The following UBR4 variants were observed in gnomAD, a reference collection of about 807,000 sequenced individuals.
UBR4 encodes ubiquitin protein ligase E3 component n-recognin 4.
Under a neutral mutation model 575.6 loss-of-function variants are expected in UBR4, and 124 were observed. That is an observed-to-expected ratio of 0.22 (90% CI 0.19 to 0.25). The LOEUF (loss-of-function observed/expected upper bound fraction) is 0.25. UBR4 is among the 10% of genes least tolerant of loss of function. The pLI is 1.00. For missense variants in UBR4, 4,818 were observed against 6,478.8 expected, an observed-to-expected ratio of 0.74 and a Z score of 8.80; for synonymous variants, 2,455 against 2,473.7, an observed-to-expected ratio of 0.99 and a Z score of 0.22.
At position 19,157,241 on chromosome 1, in the gene UBR4, A is replaced by G. The variant is rs1056701985; in HGVS notation, c.5761-316T>C. On this transcript the variant is annotated intron_variant, in intron 40 of 105. Coordinates refer to ENST00000375254, the MANE Select transcript of UBR4 (RefSeq NM_020765.3). The surrounding 1 kb of genome is among the most constrained non-coding windows in gnomAD (Gnocchi z 4.4). The stretch of plus-strand genomic sequence containing the variant: ...AGGAAACTGTTTTTAAAATGATTTT[A>G]GAGTTGTTTGAAGGACTATCCATAT... Among the ~76,000 whole-genome samples the G allele has an allele frequency of 1.3e-5, 2 of 152,274 alleles. No individual in the cohort carries two copies. Among genetic ancestry groups the G allele is most frequent in the African/African-American group, 4.8e-5 (2 of 41,472 alleles).
intron 17 of UBR4, among the ~76,000 whole-genome samples, chr1:19,179,660 C>T (rs1177442921): frequency 6.6e-6 from 1 of 152,134 alleles, no homozygotes; most frequent in East Asian, 1.9e-4. Context: ...TTTAGAGATC[C>T]GCAGTATTCG....
chr1:19,204,535 A>ATATATAT (rs1553240283), intron 1 of UBR4, among the ~76,000 whole-genome samples: 1 of 150,096 alleles, frequency 6.7e-6, no homozygotes, highest in Non-Finnish European at 1.5e-5. Flanking sequence ...TATAAAAAAA[A>ATATATAT]ATATATATAT....
Position 19,096,578 on chromosome 1 carries a change from A to G in UBR4, c.13463T>C (p.Met4488Thr), listed in dbSNP as rs745899696. ...VMAQCGGLEC[M>T]LNRLAGIRDF... ...TCTGATCCCTGCGAGTCTGTTAAGC[A>G]TGCATTCCAGGCCCCCACACTGGGC... is the stretch of plus-strand genomic sequence containing the variant. The change falls in exon 92 of 106, where the codon ATG (methionine) becomes ACG (threonine). Residue 4488 changes from methionine to threonine, a missense_variant. By Grantham distance (81) the Met-to-Thr change is moderately conservative. Transcript: ENST00000375254. The G allele has an allele frequency of 1.2e-6, 2 of 1,613,770 alleles. No homozygotes were observed. Among genetic ancestry groups the G allele is most frequent in the Admixed American group, 3.3e-5 (2 of 59,956 alleles).
chr1:19,112,900 AGC>A, intron 77 of UBR4, 33 bp from the exon 78 acceptor site: 2 of 1,518,808 alleles, frequency 1.3e-6, no homozygotes, highest in South Asian at 2.6e-5. Context: ...AATGGGAATT[AGC>A]AATTAAAATA....
rs1046162490 is a variant in UBR4 at position 19,122,008 on chromosome 1, T to C, written c.9821A>G (p.Glu3274Gly). The C allele has an allele frequency of 6.2e-7, 1 of 1,614,032 alleles. No individual in the cohort carries two copies. The highest frequency in any genetic ancestry group is 8.5e-7 in the Non-Finnish European group (1 of 1,179,950). The stretch of plus-strand genomic sequence containing the variant: ...AATCTCTGCACAGGCTTTCAGGTGC[T>C]CCATCTGAAATAGGAACCAACCACG... ...LQYDTLISLM[E>G]HLKACAEIAA... Residue 3274 changes from glutamate to glycine, a missense_variant, in exon 67 of 106, where the codon GAG (glutamate) becomes GGG (glycine). Physicochemically the swap from Glu to Gly is moderately conservative, Grantham distance 98 (BLOSUM62 -2). This residue lies in a region of UBR4 where 550 missense variants were observed against 791.5 expected (regional missense o/e 0.69). Coordinates refer to ENST00000375254, the MANE Select transcript of UBR4 (RefSeq NM_020765.3).
intron 39 of UBR4, 26 bp downstream of exon 39, chr1:19,160,085 A>G (rs2087085915): frequency 6.3e-7 from 1 of 1,596,564 alleles, no homozygotes; most frequent in Non-Finnish European, 8.5e-7. Flanking sequence ...CACAGCCACC[A>G]AACATCATGG....
In UBR4 at chr1:19,114,088, G is replaced by C. The variant is rs1017853382; in HGVS notation, c.11203-18C>G. On this transcript the variant is annotated intron_variant, in intron 75 of 105. Transcript: ENST00000375254. ...GATACAGCCTAGACAGGAAAAGACA[G>C]GGACTGAGTGAAGGCTTTTTGGCTG... The C allele has an allele frequency of 2.5e-6, 4 of 1,603,642 alleles. 1 individual carries two copies. The South Asian group carries it at 3.3e-5, about 13-fold the overall frequency.
chr1:19,168,087 A>C lies in UBR4; in HGVS notation c.3839T>G (p.Leu1280Arg). Reference protein sequence around the residue: ...LGTLCSQSLPLAASLKHTLLS... With the variant: ...LGTLCSQSLPRAASLKHTLLS... The stretch of plus-strand genomic sequence containing the variant: ...GAGGGTATGCTTCAGGGAAGCAGCC[A>C]GGGGCAGACTTTGGCTACAGAGAGT... Residue 1280 changes from leucine (L) to arginine (R), a missense_variant, in exon 28 of 106, where the codon CTG becomes CGG. This residue lies in a region of UBR4 where 1,172 missense variants were observed against 1,259.7 expected (regional missense o/e 0.93). Transcript: ENST00000375254. 1 of 1,613,900 alleles carries C rather than the reference A, an allele frequency of 6.2e-7. No homozygotes were observed. The highest frequency in any genetic ancestry group is 8.5e-7 in the Non-Finnish European group (1 of 1,179,794).
chr1:19,162,129 G>T (rs946196566), intron 35 of UBR4, among the ~76,000 whole-genome samples: 1 of 152,096 alleles, frequency 6.6e-6, no homozygotes, highest in Non-Finnish European at 1.5e-5. Context: ...TTTCTCTATA[G>T]GGGAGCTTCC....
intron 9 of UBR4, 98 bp from the exon 10 acceptor site, chr1:19,192,638 T>TAA: frequency 7.9e-7 from 1 of 1,273,170 alleles, no homozygotes; most frequent in Non-Finnish European, 1.1e-6. Flanking sequence ...AAGAGTTCAA[T>TAA]ATCCTCTTTT....
Position 19,177,639 on chromosome 1 carries a change from T to C in UBR4, c.2459A>G (p.Asn820Ser), listed in dbSNP as rs1405933583. The C allele has an allele frequency of 3.7e-6, 6 of 1,613,458 alleles. No homozygotes were observed. Among genetic ancestry groups the C allele is most frequent in the Non-Finnish European group, 5.1e-6 (6 of 1,179,896 alleles). The change falls in exon 19 of 106, where the codon AAT becomes AGT. Residue 820 changes from asparagine (N) to serine (S), a missense_variant. Asn to Ser is a conservative substitution (Grantham distance 46). Coordinates refer to ENST00000375254, the MANE Select transcript of UBR4 (RefSeq NM_020765.3). ...HLQMLLLIFHNFTETGRRAIL... is the reference protein window; with the variant it reads ...HLQMLLLIFHSFTETGRRAIL... ...GGCCCGCCGGCCTGTCTCGGTGAAA[T>C]TGTGGAAAATGAGGAGGAGCATCTG...
At chr1:19,161,179 TCTTGCCTCAAGCACAGAGGA>T in intron 37 of UBR4, 32 bp from the exon 38 acceptor site, 1 of 1,601,822 alleles carries the variant, frequency 6.2e-7, no homozygotes, top group East Asian at 2.2e-5. Flanking sequence ...GTCCCTAAGT[TCTTGCCTCAAGCACAGAGGA>T]AATACTGCCT....
rs959717589 is a variant in UBR4 at position 19,170,945 on chromosome 1, C to A, written c.3522-62G>T. 4.3e-6 allele frequency: 7 copies of A among 1,611,978 alleles called. No individual in the cohort carries two copies. In the African/African-American group the frequency reaches 8.0e-5, roughly 18 times the overall value. ...TTCTAATCCCACCAGTTAGGAAAAACTGGCCCTAGACTGGCTGAAAACCCT... is the reference window on the plus strand; with the variant it reads ...TTCTAATCCCACCAGTTAGGAAAAAATGGCCCTAGACTGGCTGAAAACCCT... On this transcript the variant is annotated intron_variant, in intron 25 of 105. Coordinates refer to ENST00000375254, the MANE Select transcript of UBR4 (RefSeq NM_020765.3).
Position 19,094,990 on chromosome 1 carries a change from C to T in UBR4, c.13662G>A (p.Gly4554=). The change falls in exon 94 of 106, where the codon GGG becomes GGA. Residue 4554 remains glycine (G), a synonymous_variant. Coordinates refer to ENST00000375254, the MANE Select transcript of UBR4 (RefSeq NM_020765.3). ...GCACCTGCTCAGCCACAGCTGCACC[C>T]CCACTGTCCTTGCTTTCTTGTTCAG... is the stretch of plus-strand genomic sequence containing the variant. The part of the protein sequence containing the change: ...LVAEQESKDS[G]GAAVAEQVLS... The T allele has an allele frequency of 3.1e-6, 5 of 1,614,184 alleles. No homozygotes were observed. Among genetic ancestry groups the T allele is most frequent in the Non-Finnish European group, 4.2e-6 (5 of 1,180,040 alleles).
At chr1:19,103,841 G>C (rs1402620841) in intron 87 of UBR4, among the ~76,000 whole-genome samples, 3 of 152,212 alleles carry the variant, frequency 2.0e-5, no homozygotes, top group Admixed American at 2.0e-4. Flanking sequence ...ACCAATGAGA[G>C]AGCCTTTGAC....
At position 19,088,672 on chromosome 1, in the gene UBR4, C is replaced by T. The variant is rs1385466510; in HGVS notation, c.14430+87G>A. On this transcript the variant is annotated intron_variant, in intron 98 of 105. Transcript: ENST00000375254. The surrounding 1 kb of genome is among the most constrained non-coding windows in gnomAD (Gnocchi z 4.0). ...CCTACTCTGTCCAGCCTTCTCTTTC[C>T]CCATGGCCAACCCCAGGGCTGTCCC... 2 of 1,405,112 alleles carry T rather than the reference C, an allele frequency of 1.4e-6. No individual in the cohort carries two copies. Among genetic ancestry groups the T allele is most frequent in the African/African-American group, 2.8e-5 (2 of 70,662 alleles). 87.0% of individuals were successfully genotyped at this position (1,405,112 alleles called of 1,614,324 possible). A position where few individuals can be genotyped will look rare whatever the true frequency, so the allele number is the denominator to read the frequency against.
Position 19,126,650 on chromosome 1 carries a change from A to C in UBR4, c.9234T>G (p.Ser3078=), listed in dbSNP as rs766105456. 4 of 1,613,302 alleles carry C rather than the reference A, an allele frequency of 2.5e-6. No homozygotes were observed. Residue 3078 remains serine (S), a synonymous_variant, in exon 64 of 106, where the codon TCT becomes TCG. Coordinates refer to ENST00000375254, the MANE Select transcript of UBR4 (RefSeq NM_020765.3). ...CTGCTGTGGCACTGGAGATGAGGGA[A>C]GATGACTGGGAGACAGAGAAAATAC... ...SGSKSSICES[S]SLISSATAAA...
chr1:19,120,457 A>C, intron 68 of UBR4, 109 bp from the exon 69 acceptor site: 3 of 1,361,122 alleles, frequency 2.2e-6, no homozygotes, highest in Non-Finnish European at 3.0e-6. Flanking sequence ...CATTTCTAAA[A>C]GTTTCTACTG....
At chr1:19,204,789 G>GA (rs973767983) in intron 1 of UBR4, among the ~76,000 whole-genome samples, 3 of 152,104 alleles carry the variant, frequency 2.0e-5, no homozygotes, top group African/African-American at 4.8e-5. Flanking sequence ...CTTGAAGGAG[G>GA]AAATAGAGAA....
Sources: gnomAD v4.1 joint callset for allele counts (sites outside exome capture counted in the v4.1 genomes callset) on GRCh38, gnomAD v4.1.1 for gene constraint, gnomAD v4.1.1 regional missense constraint, Gnocchi (gnomAD v3.1) non-coding constraint, MANE v1.5 for transcripts, NCBI Gene and HGNC (gene_info 2026-07-23, HGNC 2026-07-21) for gene names.